DMAC2L: variants seen among roughly 807,000 people sequenced by gnomAD.
DMAC2L encodes ATP synthase subunit s, mitochondrial.
In DMAC2L, 21 loss-of-function variants were observed where a neutral mutation model predicts 22.5. The observed-to-expected ratio is 0.93, with a 90% confidence interval of 0.66 to 1.34. The LOEUF (loss-of-function observed/expected upper bound fraction) is 1.34. Ranked by LOEUF, DMAC2L falls within the 40% of genes most tolerant of loss-of-function variation. The probability of loss-of-function intolerance (pLI) is 0.00; values close to 1 mark genes in which losing one functional copy is unlikely to be tolerated. For missense variants in DMAC2L, 239 were observed against 246.5 expected (o/e 0.97, Z 0.20); for synonymous variants, 86 against 89.5 (o/e 0.96, Z 0.22).
intron 5 of DMAC2L, chr14:50,324,460 T>C (rs1371666942): frequency 1.2e-5 from 2 of 164,296 alleles, no homozygotes; most frequent in African/African-American, 4.8e-5. Flanking sequence ...TTTCAAGACA[T>C]TTGGTATATA....
At chr14:50,315,485 A>G (rs368310604) in intron 2 of DMAC2L, among the ~76,000 whole-genome samples, 1 of 150,160 alleles carries the variant, frequency 6.7e-6, no homozygotes, top group African/African-American at 2.4e-5. Context: ...AACATGGTGA[A>G]ACCCCATCTC....
rs2031293404 is a variant in DMAC2L at position 50,312,356 on chromosome 14, C to G, written c.-75C>G. 1.5e-6 allele frequency: 1 copy of G among 669,748 alleles called. No homozygotes were observed. Among genetic ancestry groups the G allele is most frequent in the Middle Eastern group, 4.2e-4 (1 of 2,400 alleles). 41.5% of individuals were successfully genotyped at this position (669,748 alleles called of 1,614,324 possible). On this transcript the variant is annotated 5_prime_UTR_variant, in exon 1 of 6. Transcript: ENST00000557421. ...CCAGGGTGCCGCAGACGCGGGGACG[C>G]TGGCTCGCTCCCTCCCTCCCTCCCT...
rs1019197167 is a variant in DMAC2L, at chr14:50,325,746, T to C, written c.*23T>C. 6.3e-7 allele frequency: 1 copy of C among 1,595,256 alleles called. No homozygotes were observed. Among genetic ancestry groups the C allele is most frequent in the African/African-American group, 1.4e-5 (1 of 74,008 alleles). On this transcript the variant is annotated 3_prime_UTR_variant, in exon 6 of 6. Coordinates refer to ENST00000557421, the MANE Select transcript of DMAC2L (RefSeq NM_001382507.1). ...TAAAATAATGTGTCTTATTTCAGTA[T>C]AAAGGATCATTTGAAACTGTTGATT...
chr14:50,311,887 C>T, upstream of DMAC2L: 23 of 1,343,182 alleles, frequency 1.7e-5, no homozygotes, highest in South Asian at 2.7e-5. Flanking sequence ...GGTTGGAGTG[C>T]CACAGGACCC....
At chr14:50,317,591 A>G (rs1183699003) in intron 2 of DMAC2L, among the ~76,000 whole-genome samples, 3 of 152,134 alleles carry the variant, frequency 2.0e-5, no homozygotes, top group African/African-American at 7.2e-5. Flanking sequence ...CAACATGGTG[A>G]AACCCCATCT....
rs189056851 is a variant in DMAC2L, at chr14:50,318,780, T to A, written c.-5-2703T>A. ...AGACACCTCTAGTGTGAAGGCCTTC[T>A]TCTCACTCCCTTCTCTAGATTCTCA... On this transcript the variant is annotated intron_variant, in intron 2 of 5. Coordinates refer to ENST00000557421, the MANE Select transcript of DMAC2L (RefSeq NM_001382507.1). 3.7e-4 allele frequency among the ~76,000 whole-genome samples: 56 copies of A among 152,358 alleles called. No individual in the cohort carries two copies. The East Asian group carries it at 9.3e-3, about 25-fold the overall frequency.
rs376527224 is a variant in DMAC2L, at chr14:50,324,051, G to A, written c.423G>A (p.Leu141=). Residue 141 remains leucine, a synonymous_variant, in exon 5 of 6, where the codon TTG becomes TTA. Coordinates refer to ENST00000557421, the MANE Select transcript of DMAC2L (RefSeq NM_001382507.1). ...TTGAAAATTTACAAAAAACCATATT[G>A]GAAATGGAAATAATATCCTGTGGGA... The part of the protein sequence containing the change: ...SQLENLQKTI[L]EMEIISCGNI... 1.4e-4 allele frequency: 218 copies of A among 1,613,830 alleles called. No homozygotes were observed. The highest frequency in any genetic ancestry group is 1.8e-4 in the Non-Finnish European group (210 of 1,179,946).
chr14:50,319,406 G>C (rs907008278), intron 2 of DMAC2L: 4 of 1,463,966 alleles, frequency 2.7e-6, no homozygotes, highest in Non-Finnish European at 3.7e-6. Flanking sequence ...CATCTTTCTA[G>C]TCCTCTTCTT....
At chr14:50,318,248 A>G (rs115681828) in intron 2 of DMAC2L, among the ~76,000 whole-genome samples, 128 of 152,348 alleles carry the variant, frequency 8.4e-4, no homozygotes, top group African/African-American at 2.9e-3. Flanking sequence ...CCCAAAGGCA[A>G]CTGTTTGGAC....
Position 50,320,881 on chromosome 14 carries a change from A to G in DMAC2L, c.-5-602A>G, listed in dbSNP as rs114812037. 3.1e-3 allele frequency among the ~76,000 whole-genome samples: 474 copies of G among 152,318 alleles called. 3 individuals are homozygous for G. Among genetic ancestry groups the G allele is most frequent in the African/African-American group, 0.011 (446 of 41,574 alleles). The stretch of plus-strand genomic sequence containing the variant: ...TCTCAAATTATGGTTATACATTTTG[A>G]CAGCTGGAAATTAAGCAAATCATCT... On this transcript the variant is annotated intron_variant, in intron 2 of 5. Transcript: ENST00000557421.
intron 2 of DMAC2L, among the ~76,000 whole-genome samples, chr14:50,319,924 CTATG>C (rs2032125330): frequency 6.6e-6 from 1 of 152,176 alleles, no homozygotes; most frequent in South Asian, 2.1e-4. Flanking sequence ...ATGGAACTAA[CTATG>C]TAATGTCATT....
intron 3 of DMAC2L, 128 bp from the exon 4 acceptor site, chr14:50,322,383 A>AAAAC: frequency 2.0e-6 from 2 of 995,868 alleles, no homozygotes; most frequent in Non-Finnish European, 2.8e-6. Context: ...GGATCTCACT[A>AAAAC]ATTTATCTTC....
At position 50,315,071 on chromosome 14, in the gene DMAC2L, A is replaced by G. The variant is rs531988804; in HGVS notation, c.-6+445A>G. Among the ~76,000 whole-genome samples, 6 of 151,654 alleles carry G rather than the reference A, an allele frequency of 4.0e-5. 1 individual carries two copies. The highest frequency in any genetic ancestry group is 1.5e-4 in the African/African-American group (6 of 41,294). ...AAGCTCTGCCTCCCGGGTTCACACC[A>G]TTCTCCTGCTTCAGCCTCCTGAGTA... On this transcript the variant is annotated intron_variant, in intron 2 of 5. Coordinates refer to ENST00000557421, the MANE Select transcript of DMAC2L (RefSeq NM_001382507.1).
At position 50,324,081 on chromosome 14, in the gene DMAC2L, C is replaced by G. The variant is rs200003275; in HGVS notation, c.453C>G (p.Ile151Met). 6.2e-7 allele frequency: 1 copy of G among 1,613,276 alleles called. No individual in the cohort carries two copies. The highest frequency in any genetic ancestry group is 8.5e-7 in the Non-Finnish European group (1 of 1,179,700). ...LEMEIISCGN[I>M]TDKGIIALRH... ...TGGAAATAATATCCTGTGGGAATAT[C>G]ACAGACAAAGGCATCATTGCTTTGC... Residue 151 changes from isoleucine to methionine, a missense_variant, in exon 5 of 6, where the codon ATC (isoleucine) becomes ATG (methionine). Transcript: ENST00000557421.
rs577539455 is a variant in DMAC2L at position 50,314,627 on chromosome 14, G to T, written c.-6+1G>T. The T allele has an allele frequency of 4.8e-5, 22 of 454,666 alleles. No individual in the cohort carries two copies. The highest frequency in any genetic ancestry group is 4.2e-4 in the African/African-American group (21 of 50,116). 28.2% of individuals were successfully genotyped at this position (454,666 alleles called of 1,614,324 possible). On this transcript the variant is annotated splice_donor_variant, in intron 2 of 5. Transcript: ENST00000557421. LOFTEE classifies it low-confidence loss of function (5UTR_SPLICE). Reference sequence around the variant, plus strand: ...AAGAGTACAATTGCTGGGTCATATGGTAAGTGCATGTTTATTTTTTATTTT... The same window carrying T: ...AAGAGTACAATTGCTGGGTCATATGTTAAGTGCATGTTTATTTTTTATTTT...
Position 50,326,889 on chromosome 14 carries a change from AAATT to A in DMAC2L, c.*1168_*1171del, listed in dbSNP as rs1355718009. On this transcript the variant is annotated 3_prime_UTR_variant, in exon 6 of 6. Coordinates refer to ENST00000557421, the MANE Select transcript of DMAC2L (RefSeq NM_001382507.1). ...GACCCCATCTCTAAAAAAATTTTAA[AAATT>A]AGGCAGGCATGGTGGTGCATACCTG... 5.7e-6 allele frequency: 2 copies of A among 353,376 alleles called. No individual in the cohort carries two copies. Among genetic ancestry groups the A allele is most frequent in the Non-Finnish European group, 7.9e-6 (2 of 252,734 alleles). 21.9% of individuals were successfully genotyped at this position (353,376 alleles called of 1,614,324 possible). A position where few individuals can be genotyped will look rare whatever the true frequency, so the allele number is the denominator to read the frequency against.
At chr14:50,323,809 C>T in intron 4 of DMAC2L, 136 bp from the exon 5 acceptor site, 1 of 668,776 alleles carries the variant, frequency 1.5e-6, no homozygotes, top group South Asian at 2.0e-5. Context: ...AGCAGTCATT[C>T]CAGTTTTCAT....
rs2032737141 is a variant in DMAC2L at position 50,327,152 on chromosome 14, A to C, written c.*1429A>C. 6.6e-6 allele frequency: 1 copy of C among 151,946 alleles called. No homozygotes were observed. The highest frequency in any genetic ancestry group is 1.5e-5 in the Non-Finnish European group (1 of 68,032). The allele number at this position is 151,946 out of a possible 1,614,324, so 9.4% of individuals were successfully genotyped here. On this transcript the variant is annotated 3_prime_UTR_variant, in exon 6 of 6. Coordinates refer to ENST00000557421, the MANE Select transcript of DMAC2L (RefSeq NM_001382507.1). ...GGACGAGCCTGGGCAACATGGCAAAACCCTGTCTCTACCAAAAAATTAAAA... is the reference window on the plus strand; with the variant it reads ...GGACGAGCCTGGGCAACATGGCAAACCCCTGTCTCTACCAAAAAATTAAAA...
intron 2 of DMAC2L, among the ~76,000 whole-genome samples, chr14:50,317,012 T>A (rs1199973918): frequency 2.0e-5 from 3 of 152,216 alleles, no homozygotes; most frequent in Non-Finnish European, 4.4e-5. Flanking sequence ...ATTTGTAGAT[T>A]GCTTTTGGCA....
Sources: gnomAD v4.1 joint callset for allele counts (sites outside exome capture counted in the v4.1 genomes callset) on GRCh38, gnomAD v4.1.1 for gene constraint, MANE v1.5 for transcripts, NCBI Gene and HGNC (gene_info 2026-07-23, HGNC 2026-07-21) for gene names.